KPNA3: variants seen among roughly 807,000 people sequenced by gnomAD.
The protein encoded by KPNA3 is importin subunit alpha-4.
A neutral mutation model predicts 73.8 loss-of-function variants in KPNA3; 13 were observed. The ratio of observed to expected loss-of-function variants is 0.18; its 90% CI spans 0.11 to 0.28. KPNA3 has a LOEUF of 0.28. KPNA3 is among the 10% of genes least tolerant of loss of function. The pLI is 1.00. For synonymous variants in KPNA3, 186 were observed against 206.9 expected, an observed-to-expected ratio of 0.90 and a Z score of 0.87; for missense variants, 360 against 618.1, an observed-to-expected ratio of 0.58 and a Z score of 4.43.
chr13:49,706,432 CTAATA>C (rs1279773596), intron 12 of KPNA3, 60 bp from the exon 13 acceptor site: 7 of 1,144,860 alleles, frequency 6.1e-6, no homozygotes, highest in Non-Finnish European at 8.9e-6. Context: ...TAATGTCTTT[CTAATA>C]TATTTTATAT....
chr13:49,790,051 C>A (rs1955019842), intron 1 of KPNA3, among the ~76,000 whole-genome samples: 1 of 152,204 alleles, frequency 6.6e-6, no homozygotes, highest in African/African-American at 2.4e-5. Flanking sequence ...GTACAGACTG[C>A]ATCTTATTCC....
At chr13:49,721,848 AC>A in intron 9 of KPNA3, 106 bp downstream of exon 9, 1 of 721,794 alleles carries the variant, frequency 1.4e-6, no homozygotes, top group Non-Finnish European at 2.1e-6. Flanking sequence ...AAAAACTCAC[AC>A]CTGCAATGAA....
intron 1 of KPNA3, among the ~76,000 whole-genome samples, chr13:49,783,909 A>G (rs1953571258): frequency 6.6e-6 from 1 of 152,254 alleles, no homozygotes; most frequent in African/African-American, 2.4e-5. Flanking sequence ...ACTGAAGTTT[A>G]AATAAATTAA....
intron 2 of KPNA3, among the ~76,000 whole-genome samples, chr13:49,738,767 T>A (rs1345644107): frequency 6.6e-6 from 1 of 152,230 alleles, no homozygotes; most frequent in Non-Finnish European, 1.5e-5. Flanking sequence ...ATAATCACAT[T>A]ATCTGCAAAT....
chr13:49,725,582 C>T, intron 6 of KPNA3, 81 bp from the exon 7 acceptor site: 1 of 819,348 alleles, frequency 1.2e-6, no homozygotes, highest in Non-Finnish European at 1.9e-6. Flanking sequence ...TAAGATATGG[C>T]TATTCTTTGC....
chr13:49,786,286 A>C (rs1311157781), intron 1 of KPNA3, among the ~76,000 whole-genome samples: 1 of 152,200 alleles, frequency 6.6e-6, no homozygotes, highest in East Asian at 1.9e-4. Flanking sequence ...GTTACATCCA[A>C]GGTATCTATT....
chr13:49,740,657 T>C (rs1449704556), intron 2 of KPNA3, among the ~76,000 whole-genome samples: 2 of 152,180 alleles, frequency 1.3e-5, no homozygotes, highest in Non-Finnish European at 2.9e-5. Flanking sequence ...ATAAACCTCT[T>C]TCTTTTGTAA....
chr13:49,782,604 C>T (rs935798986), intron 1 of KPNA3, among the ~76,000 whole-genome samples: 5 of 151,990 alleles, frequency 3.3e-5, no homozygotes, highest in Admixed American at 2.0e-4. Flanking sequence ...ATAGGCTGCG[C>T]GCGGTGGCTC....
rs1359920312 is a variant in KPNA3 at position 49,715,070 on chromosome 13, A to G, written c.772-4048T>C. Among the ~76,000 whole-genome samples, 5 of 152,150 alleles carry G rather than the reference A, an allele frequency of 3.3e-5. No individual in the cohort carries two copies. In the East Asian group the frequency reaches 9.6e-4, roughly 29 times the overall value. On this transcript the variant is annotated intron_variant, in intron 10 of 16. Transcript: ENST00000261667. Reference sequence around the variant, plus strand: ...CTCTACAGACACTGAAAAATTCATTACATTTTTTCAGTGTCCTTGATAGAA... The same window carrying G: ...CTCTACAGACACTGAAAAATTCATTGCATTTTTTCAGTGTCCTTGATAGAA...
intron 10 of KPNA3, among the ~76,000 whole-genome samples, chr13:49,717,184 A>G (rs929399838): frequency 2.0e-5 from 3 of 152,216 alleles, no homozygotes; most frequent in African/African-American, 4.8e-5. Flanking sequence ...TATAAAACAA[A>G]TATCATTTCT....
chr13:49,737,495 G>A (rs1954532636), intron 2 of KPNA3, among the ~76,000 whole-genome samples: 1 of 151,832 alleles, frequency 6.6e-6, no homozygotes, highest in African/African-American at 2.4e-5. Context: ...TCCTTTCAAT[G>A]AAATGACTCT....
intron 15 of KPNA3, among the ~76,000 whole-genome samples, chr13:49,703,426 C>A (rs1454735811): frequency 6.6e-6 from 1 of 151,948 alleles, no homozygotes; most frequent in African/African-American, 2.4e-5. Flanking sequence ...GTGATTCGCC[C>A]GCCTTGGCCT....
intron 1 of KPNA3, among the ~76,000 whole-genome samples, chr13:49,763,482 G>A (rs923736799): frequency 6.6e-6 from 1 of 152,150 alleles, no homozygotes; most frequent in African/African-American, 2.4e-5. Context: ...ACTGTTAGGA[G>A]ATAATAGCTA....
chr13:49,711,063 T>C, intron 10 of KPNA3, 41 bp from the exon 11 acceptor site: 1 of 1,569,494 alleles, frequency 6.4e-7, no homozygotes, highest in Non-Finnish European at 8.6e-7. Context: ...ACATATTTGT[T>C]TGAATGCTTT....
At chr13:49,721,434 G>A (rs1954356537) in intron 9 of KPNA3, among the ~76,000 whole-genome samples, 1 of 151,950 alleles carries the variant, frequency 6.6e-6, no homozygotes, top group African/African-American at 2.4e-5. Flanking sequence ...AAAAAAATAG[G>A]CATTAGGATG....
intron 11 of KPNA3, 145 bp from the exon 12 acceptor site, chr13:49,709,845 G>A (rs1200908573): frequency 7.1e-6 from 4 of 562,536 alleles, no homozygotes; most frequent in Non-Finnish European, 1.1e-5. Context: ...CAGTCTGAGA[G>A]CTATTCTGAA....
intron 10 of KPNA3, among the ~76,000 whole-genome samples, chr13:49,714,570 C>T (rs1954288185): frequency 6.6e-6 from 1 of 151,960 alleles, no homozygotes; most frequent in South Asian, 2.1e-4. Context: ...GAAACTAACT[C>T]CACAAAAAAG....
chr13:49,782,780 C>T (rs1032960835), intron 1 of KPNA3, among the ~76,000 whole-genome samples: 2 of 151,424 alleles, frequency 1.3e-5, no homozygotes, highest in African/African-American at 2.4e-5. Context: ...GAGGATCACT[C>T]GAGCCTGGGA....
rs1035367579 is a variant in KPNA3 at position 49,705,847 on chromosome 13, G to A, written c.1210-64C>T. On this transcript the variant is annotated intron_variant, in intron 14 of 16. Transcript: ENST00000261667. ...ATTATCTATTTCCCAGTAGGGTGTC[G>A]TGCTACATGGAAGGCTGAGGCAGGA... is the stretch of plus-strand genomic sequence containing the variant. 13 of 1,370,052 alleles carry A rather than the reference G, an allele frequency of 9.5e-6. No homozygotes were observed. In the East Asian group the frequency reaches 1.8e-4, roughly 19 times the overall value. 84.9% of individuals were successfully genotyped at this position (1,370,052 alleles called of 1,614,324 possible). A position where few individuals can be genotyped will look rare whatever the true frequency, so the allele number is the denominator to read the frequency against.
Sources: allele counts gnomAD v4.1 joint callset (sites outside exome capture counted in the v4.1 genomes callset), GRCh38; gene constraint gnomAD v4.1.1; transcripts MANE v1.5; gene names NCBI Gene and HGNC (gene_info 2026-07-23, HGNC 2026-07-21).